MYOM3: variants seen among roughly 807,000 people sequenced by gnomAD.
The protein encoded by MYOM3 is myomesin 3.
MYOM3 carries 155 observed loss-of-function variants against 191.7 expected under a neutral mutation model. The observed-to-expected ratio is 0.81, with a 90% CI of 0.71 to 0.92. MYOM3 has a LOEUF of 0.92. MYOM3 is among the 40% of genes least tolerant of loss of function. The pLI is 0.00. For missense variants in MYOM3, 1,889 were observed against 1,890.6 expected (o/e 1.00, Z 0.02); for synonymous variants, 757 against 762.9 (o/e 0.99, Z 0.13).
At chr1:24,095,696 C>T (rs770792632) in intron 7 of MYOM3, among the ~76,000 whole-genome samples, 5 of 152,122 alleles carry the variant, frequency 3.3e-5, no homozygotes, top group Non-Finnish European at 7.4e-5. Context: ...AAGGAACGAG[C>T]GGGTTCACAT....
rs367996745 is a variant in MYOM3 at position 24,072,461 on chromosome 1, C to T, written c.2969-448G>A. ...GTGTCCCTGGGTCTGGACGACACAC[C>T]GAGCACTGCAGCCCAGAAGTCTCAG... On this transcript the variant is annotated intron_variant, in intron 23 of 36. Coordinates refer to ENST00000374434, the MANE Select transcript of MYOM3 (RefSeq NM_152372.4). Among the ~76,000 whole-genome samples, 22 of 152,248 alleles carry T rather than the reference C, an allele frequency of 1.4e-4. No homozygotes were observed. In the East Asian group the frequency reaches 2.3e-3, roughly 16 times the overall value.
rs1643675584 is a variant in MYOM3, at chr1:24,082,019, G to A, written c.2262C>T (p.Ile754=). 1.2e-6 allele frequency: 2 copies of A among 1,611,056 alleles called. No homozygotes were observed. The highest frequency in any genetic ancestry group is 2.2e-5 in the South Asian group (2 of 90,694). The part of the protein sequence containing the change: ...LDWHAVNQQP[I]PTRVCKVSDL... Reference sequence around the variant, plus strand: ...GCCCTACCTTGCAGACCCGGGTGGGGATGGGCTGCTGATTGACCGCATGCC... The same window carrying A: ...GCCCTACCTTGCAGACCCGGGTGGGAATGGGCTGCTGATTGACCGCATGCC... Residue 754 remains isoleucine (I), a synonymous_variant, in exon 18 of 37, where the codon ATC becomes ATT. Transcript: ENST00000374434.
chr1:24,061,938 T>C lies in MYOM3; in HGVS notation c.3934+8A>G. 1.9e-6 allele frequency: 3 copies of C among 1,614,140 alleles called. No individual in the cohort carries two copies. Among genetic ancestry groups the C allele is most frequent in the Non-Finnish European group, 2.5e-6 (3 of 1,180,004 alleles). On this transcript the variant is annotated splice_region_variant and intron_variant, in intron 33 of 36. Transcript: ENST00000374434. ...AGGTTTCCCTGCAGACATAGGTGGA[T>C]GGCTCACCTTGCCCTGAGAGATCTG... is the stretch of plus-strand genomic sequence containing the variant.
intron 16 of MYOM3, 30 bp downstream of exon 16, chr1:24,084,438 G>A: frequency 1.9e-6 from 3 of 1,612,066 alleles, no homozygotes; most frequent in Non-Finnish European, 2.5e-6. Flanking sequence ...AGCAGTGTGA[G>A]AACAGACTGA....
intron 1 of MYOM3, among the ~76,000 whole-genome samples, chr1:24,110,448 T>A (rs571464611): frequency 6.6e-6 from 1 of 152,146 alleles, no homozygotes; most frequent in African/African-American, 2.4e-5. Flanking sequence ...TTTCTCTAAG[T>A]CCATGGCATG....
chr1:24,108,438 A>G, intron 2 of MYOM3, 38 bp downstream of exon 2: 1 of 1,494,746 alleles, frequency 6.7e-7, no homozygotes, highest in Non-Finnish European at 8.9e-7. Context: ...GGCCCTGGGA[A>G]CAGGGCAGTG....
rs1483188762 is a variant in MYOM3, at chr1:24,065,933, C to T, written c.3492G>A (p.Gln1164=). The T allele has an allele frequency of 1.9e-6, 3 of 1,614,064 alleles. No individual in the cohort carries two copies. The highest frequency in any genetic ancestry group is 8.5e-7 in the Non-Finnish European group (1 of 1,179,884). Residue 1164 remains glutamine, a synonymous_variant, in exon 29 of 37, where the codon CAG becomes CAA. Coordinates refer to ENST00000374434, the MANE Select transcript of MYOM3 (RefSeq NM_152372.4). The stretch of plus-strand genomic sequence containing the variant: ...GTCCCGTTCCCGTCTCTGGGTCATA[C>T]TGACCATCTGGCATCTCTGCCCTCT... The part of the protein sequence containing the change: ...FFQRAEMPDG[Q]YDPETGTGLL...
intron 11 of MYOM3, among the ~76,000 whole-genome samples, chr1:24,091,709 C>T (rs1240006280): frequency 2.0e-5 from 3 of 152,212 alleles, no homozygotes; most frequent in Non-Finnish European, 2.9e-5. Context: ...CGGTCATGAG[C>T]CTGTCCGTGG....
Position 24,107,899 on chromosome 1 carries a change from T to C in MYOM3, c.242+94A>G. 5 of 1,124,050 alleles carry C rather than the reference T, an allele frequency of 4.4e-6. No individual in the cohort carries two copies. The South Asian group carries it at 7.1e-5, about 16-fold the overall frequency. 69.6% of individuals were successfully genotyped at this position (1,124,050 alleles called of 1,614,324 possible). Reference sequence around the variant, plus strand: ...AGATGTGGGATTTTGGGCAGGTTCTTTACACTCGGGGTGAAAGGCCAGCAG... The same window carrying C: ...AGATGTGGGATTTTGGGCAGGTTCTCTACACTCGGGGTGAAAGGCCAGCAG... On this transcript the variant is annotated intron_variant, in intron 3 of 36. Transcript: ENST00000374434.
At chr1:24,067,383 TCTTTTTCCTTCC>T (rs1643459561) in intron 27 of MYOM3, among the ~76,000 whole-genome samples, 2 of 105,514 alleles carry the variant, frequency 1.9e-5, no homozygotes, top group African/African-American at 7.9e-5. Context: ...CTTCTTTCTT[TCTTTTTCCTTCC>T]TTCCTTCCTT....
intron 29 of MYOM3, 113 bp from the exon 30 acceptor site, chr1:24,064,272 A>T: frequency 1.4e-6 from 1 of 738,866 alleles, no homozygotes; most frequent in Non-Finnish European, 2.2e-6. Flanking sequence ...GTGTGACCTC[A>T]GGTAAGACCC....
intron 23 of MYOM3, 150 bp from the exon 24 acceptor site, chr1:24,072,163 G>A: frequency 4.1e-6 from 3 of 737,714 alleles, no homozygotes; most frequent in Admixed American, 4.2e-5. Context: ...GGCTCCATAG[G>A]GGCCATGATG....
At chr1:24,106,229 T>C in intron 4 of MYOM3, 152 bp from the exon 5 acceptor site, 1 of 916,914 alleles carries the variant, frequency 1.1e-6, no homozygotes, top group Non-Finnish European at 1.6e-6. Context: ...AGGGTGGCAC[T>C]GTGGGCAGAG....
At position 24,061,047 on chromosome 1, in the gene MYOM3, T is replaced by C; in HGVS notation, c.3994+13A>G. 2 of 1,613,014 alleles carry C rather than the reference T, an allele frequency of 1.2e-6. No individual in the cohort carries two copies. The highest frequency in any genetic ancestry group is 2.2e-5 in the East Asian group (1 of 44,810). ...TTCAGAAACAAAAACAACAGAAATA[T>C]CGGCCGACTTACTCTTCTCGATGAT... On this transcript the variant is annotated intron_variant, in intron 35 of 36. Transcript: ENST00000374434.
chr1:24,096,075 C>T (rs1471543134), intron 7 of MYOM3, among the ~76,000 whole-genome samples: 1 of 152,196 alleles, frequency 6.6e-6, no homozygotes, highest in Non-Finnish European at 1.5e-5. Flanking sequence ...TATTATTATC[C>T]TCTCAAACAG....
chr1:24,064,194 T>C (rs1258248088), intron 29 of MYOM3, 35 bp from the exon 30 acceptor site: 1 of 1,561,646 alleles, frequency 6.4e-7, no homozygotes, highest in Non-Finnish European at 8.8e-7. Flanking sequence ...GGTGTCAGCA[T>C]GGGCTCCAGA....
At chr1:24,101,281 G>A (rs987718944) in intron 5 of MYOM3, among the ~76,000 whole-genome samples, 1 of 152,116 alleles carries the variant, frequency 6.6e-6, no homozygotes, top group African/African-American at 2.4e-5. Context: ...GGTCTGTGCC[G>A]TCTGCATCCA....
intron 20 of MYOM3, among the ~76,000 whole-genome samples, chr1:24,079,358 A>G (rs577247778): frequency 2.3e-3 from 306 of 132,378 alleles, no homozygotes; most frequent in African/African-American, 7.9e-3. Context: ...ATACCACCAC[A>G]CCTGGCTATT....
intron 25 of MYOM3, among the ~76,000 whole-genome samples, chr1:24,070,001 G>A (rs1261693287): frequency 6.6e-6 from 1 of 152,146 alleles, no homozygotes; most frequent in East Asian, 1.9e-4. Flanking sequence ...TCTCTCATGA[G>A]GTTGACATCG....
Sources: gnomAD v4.1 joint callset for allele counts (sites outside exome capture counted in the v4.1 genomes callset) on GRCh38, gnomAD v4.1.1 for gene constraint, MANE v1.5 for transcripts, NCBI Gene and HGNC (gene_info 2026-07-23, HGNC 2026-07-21) for gene names.